NUP188: variants seen among roughly 807,000 people sequenced by gnomAD.
The protein encoded by NUP188 is nucleoporin 188.
A neutral mutation model predicts 223.0 loss-of-function variants in NUP188; 97 were observed. The observed-to-expected ratio is 0.43, with a 90% CI of 0.37 to 0.51. The LOEUF (loss-of-function observed/expected upper bound fraction) is 0.51, where lower values mean the gene tolerates loss of function less well. Among genes scored for constraint, NUP188 ranks in the 20% least tolerant of loss-of-function variants. The probability of loss-of-function intolerance (pLI) is 0.00; values close to 1 mark genes in which losing one functional copy is unlikely to be tolerated. For missense variants in NUP188, 1,947 were observed against 2,175.6 expected (o/e 0.89, Z 2.09); for synonymous variants, 869 against 828.0 (o/e 1.05, Z -0.85).
chr9:128,951,420 A>C (rs1841783615), intron 2 of NUP188, among the ~76,000 whole-genome samples: 1 of 152,026 alleles, frequency 6.6e-6, no homozygotes, highest in South Asian at 2.1e-4. Flanking sequence ...TCAAGCCTGC[A>C]GTGAGCCATG....
chr9:128,953,764 T>G (rs538372106), intron 3 of NUP188, among the ~76,000 whole-genome samples: 62 of 152,192 alleles, frequency 4.1e-4, no homozygotes, highest in Admixed American at 1.6e-3. Context: ...TTAAGCAACT[T>G]GTCATGGTCA....
At chr9:128,953,989 C>T (rs1841833455) in intron 3 of NUP188, among the ~76,000 whole-genome samples, 1 of 150,678 alleles carries the variant, frequency 6.6e-6, no homozygotes, top group African/African-American at 2.4e-5. Flanking sequence ...GCCACCACGC[C>T]CAGCTAATTT....
intron 8 of NUP188, among the ~76,000 whole-genome samples, chr9:128,961,623 T>TAGATAGA (rs61115252): frequency 4.0e-4 from 18 of 45,430 alleles, no homozygotes; most frequent in South Asian, 2.7e-3. Flanking sequence ...GATAGATAGA[T>TAGATAGA]TTTTTTTTTT....
Position 129,005,729 on chromosome 9 carries a change from G to C in NUP188, c.4822G>C (p.Gly1608Arg). Residue 1608 changes from glycine (G) to arginine (R), a missense_variant, in exon 41 of 44, where the codon GGG (glycine) becomes CGG (arginine). Gly to Arg is a moderately radical substitution (Grantham distance 125). Coordinates refer to ENST00000372577, the MANE Select transcript of NUP188 (RefSeq NM_015354.3). The part of the protein sequence containing the change: ...TFDSEVAPSF[G>R]TLLATVNVAL... ...TGACTCCGAAGTGGCCCCCTCCTTCGGGACCCTTCTGGCCACAGTGAATGT... is the reference window on the plus strand; with the variant it reads ...TGACTCCGAAGTGGCCCCCTCCTTCCGGACCCTTCTGGCCACAGTGAATGT... 1 of 1,614,008 alleles carries C rather than the reference G, an allele frequency of 6.2e-7. No individual in the cohort carries two copies. The highest frequency in any genetic ancestry group is 8.5e-7 in the Non-Finnish European group (1 of 1,179,982).
chr9:128,985,087 TTCCCTG>T, intron 20 of NUP188, 73 bp downstream of exon 20: 2 of 1,042,252 alleles, frequency 1.9e-6, no homozygotes, highest in South Asian at 2.8e-5. Flanking sequence ...CTGAAATAGT[TTCCCTG>T]GCCCCTGGTG....
chr9:128,983,846 A>T (rs570293554), intron 19 of NUP188, among the ~76,000 whole-genome samples: 2 of 151,400 alleles, frequency 1.3e-5, no homozygotes, highest in East Asian at 3.9e-4. Flanking sequence ...TTTGAGATGG[A>T]GTTTCGCTCT....
intron 8 of NUP188, among the ~76,000 whole-genome samples, chr9:128,963,251 TGA>T (rs1841979621): frequency 6.6e-6 from 1 of 152,154 alleles, no homozygotes; most frequent in African/African-American, 2.4e-5. Context: ...AATAAATACC[TGA>T]GAGTGAGATT....
At position 128,947,857 on chromosome 9, in the gene NUP188, C is replaced by G. The variant is rs1311992234; in HGVS notation, c.32+106C>G. 12 of 1,118,218 alleles carry G rather than the reference C, an allele frequency of 1.1e-5. 1 individual carries two copies. The highest frequency in any genetic ancestry group is 1.2e-5 in the Non-Finnish European group (10 of 860,168). 69.3% of individuals were successfully genotyped at this position (1,118,218 alleles called of 1,614,324 possible). A position where few individuals can be genotyped will look rare whatever the true frequency, so the allele number is the denominator to read the frequency against. On this transcript the variant is annotated intron_variant, in intron 1 of 43. Coordinates refer to ENST00000372577, the MANE Select transcript of NUP188 (RefSeq NM_015354.3). ...CGGGATGTGGCGACAGTGGCAGGGC[C>G]AACCCCGGCTGGATGGACGGGCACC...
intron 1 of NUP188, 169 bp from the exon 2 acceptor site, chr9:128,949,020 C>T (rs922107197): frequency 9.4e-6 from 5 of 532,782 alleles, no homozygotes; most frequent in African/African-American, 2.0e-5. Flanking sequence ...CCACCGTGCC[C>T]GGCCCTAACA....
chr9:128,981,391 G>A lies in NUP188; in HGVS notation c.1516+1G>A, dbSNP rs1455161894. The A allele has an allele frequency of 6.3e-6, 10 of 1,598,260 alleles. No homozygotes were observed. Among genetic ancestry groups the A allele is most frequent in the Non-Finnish European group, 8.5e-6 (10 of 1,175,568 alleles). ...ACACCCAAACTCCTTTATCCCCTTG[G>A]TGAGATAAAGAGATCCCCCTTTTAT... On this transcript the variant is annotated splice_donor_variant, in intron 15 of 43. Transcript: ENST00000372577. LOFTEE classifies it high-confidence loss of function.
At chr9:128,999,937 TAA>T in intron 34 of NUP188, 132 bp downstream of exon 34, 1 of 810,040 alleles carries the variant, frequency 1.2e-6, no homozygotes, top group Non-Finnish European at 2.0e-6. Context: ...TGGGAAAGGT[TAA>T]TAGATCAGAC....
chr9:129,005,796 C>T lies in NUP188; in HGVS notation c.4869+20C>T. On this transcript the variant is annotated intron_variant, in intron 41 of 43. Transcript: ENST00000372577. ...GGAGAGGTAAGTTGGTTCTGTCAGACACTGTCCTCTCCCCCCGGCTCCTCC... is the reference window on the plus strand; with the variant it reads ...GGAGAGGTAAGTTGGTTCTGTCAGATACTGTCCTCTCCCCCCGGCTCCTCC... The T allele has an allele frequency of 1.9e-6, 3 of 1,584,258 alleles. No homozygotes were observed. Among genetic ancestry groups the T allele is most frequent in the South Asian group, 2.3e-5 (2 of 86,492 alleles).
At position 128,997,477 on chromosome 9, in the gene NUP188, C is replaced by A. The variant is rs138736368; in HGVS notation, c.3352-674C>A. Among the ~76,000 whole-genome samples, 212 of 152,250 alleles carry A rather than the reference C, an allele frequency of 1.4e-3. 1 individual carries two copies. The highest frequency in any genetic ancestry group is 4.5e-3 in the African/African-American group (189 of 41,554). ...AAGGGTTGACAGAAGAACAGCAGGG[C>A]CTTCAAGCCCTATTTTACTTTATTT... On this transcript the variant is annotated intron_variant, in intron 30 of 43. Coordinates refer to ENST00000372577, the MANE Select transcript of NUP188 (RefSeq NM_015354.3).
intron 12 of NUP188, 42 bp from the exon 13 acceptor site, chr9:128,979,220 A>T: frequency 7.1e-7 from 1 of 1,407,942 alleles, no homozygotes. Context: ...AGACTGGTTC[A>T]GCTAGGGAAA....
intron 30 of NUP188, among the ~76,000 whole-genome samples, chr9:128,996,340 G>C (rs907501846): frequency 6.6e-6 from 1 of 152,004 alleles, no homozygotes; most frequent in Non-Finnish European, 1.5e-5. Flanking sequence ...CGTAGAGATG[G>C]GGTTTCACCT....
chr9:129,006,400 C>G (rs781328569), intron 43 of NUP188, 32 bp downstream of exon 43: 7 of 1,614,008 alleles, frequency 4.3e-6, no homozygotes, highest in Non-Finnish European at 5.9e-6. Context: ...GAGGGCTGGA[C>G]CAATAGGGCC....
intron 12 of NUP188, among the ~76,000 whole-genome samples, chr9:128,974,887 T>C (rs1488916882): frequency 1.3e-5 from 2 of 151,642 alleles, no homozygotes; most frequent in Admixed American, 1.3e-4. Flanking sequence ...ACCTCCTGAG[T>C]AGCTGGGACT....
At chr9:128,965,990 T>G (rs1842021795) in intron 8 of NUP188, among the ~76,000 whole-genome samples, 1 of 151,600 alleles carries the variant, frequency 6.6e-6, no homozygotes, top group Non-Finnish European at 1.5e-5. Context: ...AGAGATGGGG[T>G]CTCACCATGT....
chr9:129,006,702 C>A lies in NUP188; in HGVS notation c.*24C>A. On this transcript the variant is annotated 3_prime_UTR_variant, in exon 44 of 44. Coordinates refer to ENST00000372577, the MANE Select transcript of NUP188 (RefSeq NM_015354.3). ...AGGGCAGTGCTGTTCTGCCCACCTACCCCTCTCCACCAGCCTACACTGCAC... is the reference window on the plus strand; with the variant it reads ...AGGGCAGTGCTGTTCTGCCCACCTAACCCTCTCCACCAGCCTACACTGCAC... The A allele has an allele frequency of 6.3e-7, 1 of 1,599,840 alleles. No individual in the cohort carries two copies. The highest frequency in any genetic ancestry group is 1.1e-5 in the South Asian group (1 of 89,234).
Sources: allele counts gnomAD v4.1 joint callset (sites outside exome capture counted in the v4.1 genomes callset), GRCh38; gene constraint gnomAD v4.1.1; transcripts MANE v1.5; gene names NCBI Gene and HGNC (gene_info 2026-07-23, HGNC 2026-07-21).